PLA2R1: variants seen among roughly 807,000 people sequenced by gnomAD.
The protein encoded by PLA2R1 is secretory phospholipase A2 receptor.
PLA2R1 carries 158 observed loss-of-function variants against 195.9 expected under a neutral mutation model. The ratio of observed to expected loss-of-function variants is 0.81; its 90% CI spans 0.71 to 0.92. PLA2R1 has a LOEUF of 0.92. Ranked by LOEUF, PLA2R1 falls within the 40% of genes least tolerant of loss-of-function variation. The pLI, the probability that PLA2R1 is intolerant of heterozygous loss-of-function variation, is 0.00. For missense variants in PLA2R1, 1,626 were observed against 1,764.6 expected (o/e 0.92, Z 1.41); for synonymous variants, 586 against 598.2 (o/e 0.98, Z 0.30).
intron 1 of PLA2R1, among the ~76,000 whole-genome samples, chr2:160,055,358 C>G (rs1323441502): frequency 1.3e-5 from 2 of 152,194 alleles, no homozygotes. Flanking sequence ...TCCGATCACG[C>G]TTTTACTGAA....
At position 160,000,033 on chromosome 2, in the gene PLA2R1, G is replaced by A. The variant is rs534305888; in HGVS notation, c.1834+5619C>T. ...AAATGAAGTAAAAGTATGAACCATG[G>A]TAGCCAAACTACCTTCCTAGTGGGA... is the stretch of plus-strand genomic sequence containing the variant. On this transcript the variant is annotated intron_variant, in intron 11 of 29. Transcript: ENST00000283243. Among the ~76,000 whole-genome samples, 20 of 152,226 alleles carry A rather than the reference G, an allele frequency of 1.3e-4. No individual in the cohort carries two copies. The South Asian group carries it at 2.1e-3, about 16-fold the overall frequency.
chr2:159,972,714 A>G (rs1296709556), intron 17 of PLA2R1, among the ~76,000 whole-genome samples: 1 of 152,216 alleles, frequency 6.6e-6, no homozygotes, highest in Non-Finnish European at 1.5e-5. Context: ...TAAAAATGTC[A>G]GATAAGCAGA....
At chr2:160,002,179 T>TA (rs953989813) in intron 11 of PLA2R1, among the ~76,000 whole-genome samples, 1 of 151,516 alleles carries the variant, frequency 6.6e-6, no homozygotes, top group African/African-American at 2.4e-5. Flanking sequence ...TTTGGGAAAT[T>TA]AAAAAAAATC....
At chr2:159,957,297 GT>G (rs1388194145) in intron 20 of PLA2R1, among the ~76,000 whole-genome samples, 1 of 152,178 alleles carries the variant, frequency 6.6e-6, no homozygotes, top group Non-Finnish European at 1.5e-5. Flanking sequence ...GGCAATAAAA[GT>G]TGAGTGTTAT....
At chr2:160,005,852 T>G (rs1691947307) in intron 10 of PLA2R1, 31 bp from the exon 11 acceptor site, 13 of 1,513,614 alleles carry the variant, frequency 8.6e-6, no homozygotes, top group Non-Finnish European at 1.2e-5. Flanking sequence ...GTGGTTACAT[T>G]AAGTTTCTGG....
intron 11 of PLA2R1, among the ~76,000 whole-genome samples, chr2:159,998,751 A>G (rs1396972224): frequency 6.6e-6 from 1 of 152,124 alleles, no homozygotes; most frequent in Non-Finnish European, 1.5e-5. Flanking sequence ...CCTGCTGAGA[A>G]AATTCTTTTT....
In PLA2R1 at chr2:159,941,986, CTT is replaced by C; in HGVS notation, c.4182_4183del (p.His1396GlnfsTer28). The C allele has an allele frequency of 6.2e-7, 1 of 1,612,624 alleles. No homozygotes were observed. The highest frequency in any genetic ancestry group is 1.1e-5 in the South Asian group (1 of 90,890). On this transcript the variant is annotated frameshift_variant, in exon 30 of 30. Coordinates refer to ENST00000283243, the MANE Select transcript of PLA2R1 (RefSeq NM_007366.5). LOFTEE classifies it low-confidence loss of function (END_TRUNC). ...AACCGCAAGAGGAATGATGCTGTGA[CTT>C]GGTCCTGAAAGAAGATATTTTTCTT...
At position 159,970,208 on chromosome 2, in the gene PLA2R1, G is replaced by T. The variant is rs146991124; in HGVS notation, c.2600C>A (p.Ser867Ter). The change falls in exon 18 of 30, where the codon TCA (serine) becomes TAA (stop). Residue 867 changes from serine (S) to a stop codon, truncating the protein, a stop_gained. Coordinates refer to ENST00000283243, the MANE Select transcript of PLA2R1 (RefSeq NM_007366.5). LOFTEE classifies it high-confidence loss of function. ...EFIHSKIKAL[S>*]KYGASWWIGL... is the part of the protein sequence containing the mutation. Reference sequence around the variant, plus strand: ...AATCCACCAACTTGCACCATACTTTGATAGCTATTGAAAGAAAAAAAGTCA... The same window carrying T: ...AATCCACCAACTTGCACCATACTTTTATAGCTATTGAAAGAAAAAAAGTCA... 12 of 1,605,760 alleles carry T rather than the reference G, an allele frequency of 7.5e-6. No individual in the cohort carries two copies. In the African/African-American group the frequency reaches 1.5e-4, roughly 20 times the overall value.
chr2:160,042,214 G>A lies in PLA2R1; in HGVS notation c.494-16C>T, dbSNP rs760066658. 4.8e-5 allele frequency: 77 copies of A among 1,605,554 alleles called. No individual in the cohort carries two copies. The highest frequency in any genetic ancestry group is 6.5e-5 in the Non-Finnish European group (76 of 1,173,286). On this transcript the variant is annotated splice_polypyrimidine_tract_variant and intron_variant, in intron 2 of 29. Transcript: ENST00000283243. Reference sequence around the variant, plus strand: ...GTATGCAAATCTAGGAGAAAGAAATGTACAAAGTCAGATAAGTATGATGTC... The same window carrying A: ...GTATGCAAATCTAGGAGAAAGAAATATACAAAGTCAGATAAGTATGATGTC...
At chr2:160,061,837 G>A (rs1695974412) in intron 1 of PLA2R1, among the ~76,000 whole-genome samples, 1 of 152,168 alleles carries the variant, frequency 6.6e-6, no homozygotes, top group Non-Finnish European at 1.5e-5. Flanking sequence ...GGCCTGGCTT[G>A]GGGGTCACTC....
chr2:159,961,317 G>C (rs1688422869), intron 20 of PLA2R1, among the ~76,000 whole-genome samples: 1 of 152,138 alleles, frequency 6.6e-6, no homozygotes, highest in Non-Finnish European at 1.5e-5. Context: ...CTAATGCCTT[G>C]AAGAAAGAGT....
chr2:159,945,809 C>A (rs1185353607), intron 27 of PLA2R1: 1 of 980,498 alleles, frequency 1.0e-6, no homozygotes, highest in Non-Finnish European at 1.2e-6. Flanking sequence ...AAAAGGTAGG[C>A]ATTAATAAAG....
chr2:159,946,052 C>G (rs1011167466), intron 27 of PLA2R1: 1 of 981,924 alleles, frequency 1.0e-6, no homozygotes, highest in Non-Finnish European at 1.2e-6. Context: ...TTCTTTAATA[C>G]CAAGCCAGCC....
At chr2:159,961,659 C>T (rs1688452448) in intron 20 of PLA2R1, among the ~76,000 whole-genome samples, 1 of 152,166 alleles carries the variant, frequency 6.6e-6, no homozygotes, top group Non-Finnish European at 1.5e-5. Context: ...TTATTCCCCT[C>T]TCTATTCCTT....
chr2:160,038,389 C>A (rs1028350646), intron 3 of PLA2R1, among the ~76,000 whole-genome samples: 1 of 152,160 alleles, frequency 6.6e-6, no homozygotes, highest in East Asian at 1.9e-4. Context: ...TGCTACTTTG[C>A]GTTTCTAGCA....
chr2:159,979,634 C>A (rs1045510715), intron 14 of PLA2R1, among the ~76,000 whole-genome samples, 196 bp downstream of exon 14: 5 of 152,104 alleles, frequency 3.3e-5, no homozygotes, highest in Non-Finnish European at 7.4e-5. Flanking sequence ...TGAAATTGTA[C>A]AATGGCCTCA....
chr2:159,974,933 A>G lies in PLA2R1; in HGVS notation c.2595+1135T>C, dbSNP rs138449147. ...TTTCTCAAGCCTAGGATGCTTTAAT[A>G]CAGGGCTTCATTTTATAGTCAACTT... is the stretch of plus-strand genomic sequence containing the variant. On this transcript the variant is annotated intron_variant, in intron 17 of 29. Coordinates refer to ENST00000283243, the MANE Select transcript of PLA2R1 (RefSeq NM_007366.5). 7.8e-3 allele frequency among the ~76,000 whole-genome samples: 1,182 copies of G among 152,330 alleles called. 5 individuals carry two copies. Among genetic ancestry groups the G allele is most frequent in the Non-Finnish European group, 0.012 (807 of 68,028 alleles).
At chr2:160,038,606 G>A (rs1694318081) in intron 3 of PLA2R1, among the ~76,000 whole-genome samples, 1 of 152,192 alleles carries the variant, frequency 6.6e-6, no homozygotes, top group Non-Finnish European at 1.5e-5. Context: ...GAGAGAGCAG[G>A]AAGTTGCCAA....
At chr2:160,010,670 A>C (rs148858267) in intron 10 of PLA2R1, among the ~76,000 whole-genome samples, 1 of 152,240 alleles carries the variant, frequency 6.6e-6, no homozygotes, top group African/African-American at 2.4e-5. Context: ...GACACTTTCC[A>C]TCTACTGCCC....
Sources: gnomAD v4.1 joint callset for allele counts (sites outside exome capture counted in the v4.1 genomes callset) on GRCh38, gnomAD v4.1.1 for gene constraint, MANE v1.5 for transcripts, NCBI Gene and HGNC (gene_info 2026-07-23, HGNC 2026-07-21) for gene names.